The following PCDHA3 variants were observed in gnomAD, a reference collection of about 807,000 sequenced individuals.
The protein encoded by PCDHA3 is protocadherin alpha-3.
In PCDHA3, 41 loss-of-function variants were observed where a neutral mutation model predicts 62.2. The ratio of observed to expected loss-of-function variants is 0.66; its 90% confidence interval spans 0.51 to 0.86. The LOEUF (loss-of-function observed/expected upper bound fraction) is 0.86, where lower values mean the gene tolerates loss of function less well. Ranked by LOEUF, PCDHA3 falls within the 40% of genes least tolerant of loss-of-function variation. PCDHA3 has a pLI of 0.00. For missense variants in PCDHA3, 1,304 were observed against 1,241.2 expected (o/e 1.05, Z -0.76); for synonymous variants, 640 against 555.4 (o/e 1.15, Z -2.14).
intron 1 of PCDHA3, among the ~76,000 whole-genome samples, chr5:140,960,717 T>G (rs367185): frequency 9.9e-5 from 3 of 30,264 alleles, no homozygotes; most frequent in African/African-American, 2.5e-4. Flanking sequence ...ATACTCATCT[T>G]ATTTTAGTCC....
intron 1 of PCDHA3, chr5:140,822,175 A>T: frequency 6.2e-7 from 1 of 1,614,258 alleles, no homozygotes; most frequent in Non-Finnish European, 8.5e-7. Context: ...CAGGTTCTCC[A>T]GACAAGAACA....
chr5:140,940,164 A>G (rs2092564000), intron 1 of PCDHA3, among the ~76,000 whole-genome samples: 1 of 152,170 alleles, frequency 6.6e-6, no homozygotes, highest in Non-Finnish European at 1.5e-5. Context: ...TTTGCCTGAA[A>G]TGTCATTCTT....
At chr5:140,863,033 C>T (rs1554157551) in intron 1 of PCDHA3, 1 of 557,426 alleles carries the variant, frequency 1.8e-6, no homozygotes, top group Admixed American at 1.9e-5. Context: ...GCAACAGCTG[C>T]ATCTGTCAGC....
At chr5:140,995,082 C>G (rs145784301) in intron 3 of PCDHA3, among the ~76,000 whole-genome samples, 5 of 152,334 alleles carry the variant, frequency 3.3e-5, no homozygotes, top group Admixed American at 3.3e-4. Context: ...GCAATCCAAA[C>G]TTATCTGTGG....
chr5:140,882,036 G>C, intron 1 of PCDHA3: 1 of 646,228 alleles, frequency 1.5e-6, no homozygotes. Context: ...AAAATATGAA[G>C]ACTGAGTCAT....
intron 1 of PCDHA3, chr5:140,927,429 C>T: frequency 6.2e-7 from 1 of 1,614,118 alleles, no homozygotes; most frequent in Non-Finnish European, 8.5e-7. Flanking sequence ...GGGTTGACGG[C>T]AGCGAATACC....
Position 140,856,120 on chromosome 5 carries a change from G to C in PCDHA3, c.2394+52529G>C, listed in dbSNP as rs782167466. 6 of 1,598,210 alleles carry C rather than the reference G, an allele frequency of 3.8e-6. 1 individual carries two copies. The highest frequency in any genetic ancestry group is 5.1e-6 in the Non-Finnish European group (6 of 1,167,784). On this transcript the variant is annotated intron_variant, in intron 1 of 3. Transcript: ENST00000522353. ...CGCTTCTTCTCCTCGCAGCCTGGGA[G>C]GTGGGGAGCGGCCAGCTCCACTACT...
rs782034471 is a variant in PCDHA3 at position 141,010,170 on chromosome 5, T to G, written c.*233T>G. ...TCCACTCTGGCTTGTTTTCAGAACCTAAAAAGCAGACCCAAGTTTCCTTTC... is the reference window on the plus strand; with the variant it reads ...TCCACTCTGGCTTGTTTTCAGAACCGAAAAAGCAGACCCAAGTTTCCTTTC... On this transcript the variant is annotated 3_prime_UTR_variant, in exon 4 of 4. Transcript: ENST00000522353. 6.4e-7 allele frequency: 1 copy of G among 1,559,590 alleles called. No individual in the cohort carries two copies.
At chr5:140,841,928 G>C in intron 1 of PCDHA3, 1 of 1,613,910 alleles carries the variant, frequency 6.2e-7, no homozygotes, top group Non-Finnish European at 8.5e-7. Context: ...CTTGGACAGA[G>C]AGGACGCTCC....
At chr5:140,901,022 A>G (rs2068415143) in intron 1 of PCDHA3, among the ~76,000 whole-genome samples, 1 of 152,166 alleles carries the variant, frequency 6.6e-6, no homozygotes, top group Non-Finnish European at 1.5e-5. Flanking sequence ...AGAAACATCT[A>G]TTCAACTCTT....
chr5:140,871,535 G>T (rs577559822), intron 1 of PCDHA3: 2 of 1,514,054 alleles, frequency 1.3e-6, no homozygotes, highest in Admixed American at 4.8e-5. Flanking sequence ...AAGTGTATGT[G>T]AAATTATTTA....
rs782072957 is a variant in PCDHA3, at chr5:140,870,352, G to T, written c.2394+66761G>T. On this transcript the variant is annotated intron_variant, in intron 1 of 3. Coordinates refer to ENST00000522353, the MANE Select transcript of PCDHA3 (RefSeq NM_018906.3). ...GGACAGCGCCCTGGACCGCGAGAAC[G>T]TGTGGGCCTATGAACTGGTGGTGAC... 9.9e-6 allele frequency: 16 copies of T among 1,614,226 alleles called. No individual in the cohort carries two copies. The South Asian group carries it at 1.3e-4, about 13-fold the overall frequency.
chr5:140,966,742 G>T, intron 1 of PCDHA3: 1 of 1,422,480 alleles, frequency 7.0e-7, no homozygotes, highest in African/African-American at 1.5e-5. Context: ...GCCCTGCCCG[G>T]CTGCCTCCGC....
chr5:140,944,744 A>G (rs1408016136), intron 1 of PCDHA3, among the ~76,000 whole-genome samples: 2 of 152,204 alleles, frequency 1.3e-5, no homozygotes, highest in East Asian at 3.8e-4. Context: ...CTGAGCATTT[A>G]CATGGAAAAA....
intron 1 of PCDHA3, chr5:140,871,673 C>A: frequency 8.7e-7 from 1 of 1,142,932 alleles, no homozygotes; most frequent in Non-Finnish European, 1.2e-6. Flanking sequence ...GTCTTTTAAT[C>A]ATATGAATAA....
intron 1 of PCDHA3, chr5:140,808,143 T>A: frequency 6.2e-7 from 1 of 1,614,142 alleles, no homozygotes; most frequent in Non-Finnish European, 8.5e-7. Flanking sequence ...TATGAAATTA[T>A]TGTAGAGGGC....
chr5:140,857,687 A>C, intron 1 of PCDHA3: 1 of 1,597,130 alleles, frequency 6.3e-7, no homozygotes, highest in South Asian at 1.1e-5. Context: ...TCTGGGCAGC[A>C]ACTTGACGCT....
intron 1 of PCDHA3, among the ~76,000 whole-genome samples, chr5:140,975,601 G>A (rs943598203): frequency 1.2e-4 from 19 of 152,192 alleles, no homozygotes; most frequent in African/African-American, 4.6e-4. Flanking sequence ...GCAATTTGTT[G>A]ATGTCTTCCA....
chr5:140,804,964 C>T, intron 1 of PCDHA3: 1 of 1,445,410 alleles, frequency 6.9e-7, no homozygotes, highest in Non-Finnish European at 9.2e-7. Flanking sequence ...AAGTAGTAGC[C>T]ATAGTGTGTC....
Sources: gnomAD v4.1 joint callset for allele counts (sites outside exome capture counted in the v4.1 genomes callset) on GRCh38, gnomAD v4.1.1 for gene constraint, MANE v1.5 for transcripts, NCBI Gene and HGNC (gene_info 2026-07-23, HGNC 2026-07-21) for gene names.